TOP2B: variants seen among roughly 807,000 people sequenced by gnomAD.
The protein encoded by TOP2B is DNA topoisomerase 2-beta.
TOP2B carries 51 observed loss-of-function variants against 193.5 expected under a neutral mutation model. The ratio of observed to expected loss-of-function variants is 0.26; its 90% CI spans 0.21 to 0.33. The LOEUF is 0.33. Ranked by LOEUF, TOP2B falls within the 10% of genes least tolerant of loss-of-function variation. The pLI, the probability that TOP2B is intolerant of heterozygous loss-of-function variation, is 1.00. For missense variants in TOP2B, 1,378 were observed against 1,909.3 expected (o/e 0.72, Z 5.19); for synonymous variants, 634 against 635.7 (o/e 1.00, Z 0.04).
intron 25 of TOP2B, among the ~76,000 whole-genome samples, chr3:25,617,584 C>T (rs1364822828): frequency 6.6e-6 from 1 of 152,066 alleles, no homozygotes; most frequent in African/African-American, 2.4e-5. Flanking sequence ...TTTAAAGGTT[C>T]AAGTTATGTC....
At chr3:25,626,040 C>T (rs1702792597) in intron 18 of TOP2B, among the ~76,000 whole-genome samples, 1 of 151,382 alleles carries the variant, frequency 6.6e-6, no homozygotes, top group Non-Finnish European at 1.5e-5. Context: ...CAAAGATCAA[C>T]AAACTTCATA....
intron 24 of TOP2B, 51 bp downstream of exon 24, chr3:25,618,603 G>T (rs1702573883): frequency 2.0e-6 from 3 of 1,531,928 alleles, no homozygotes; most frequent in Admixed American, 2.2e-5. Flanking sequence ...TATTAATAAA[G>T]TTTTTTTTCC....
intron 1 of TOP2B, among the ~76,000 whole-genome samples, chr3:25,656,854 T>C (rs1028701332): frequency 6.6e-6 from 1 of 152,240 alleles, no homozygotes; most frequent in Non-Finnish European, 1.5e-5. Flanking sequence ...TAAAGAAATA[T>C]GTTAAAGGCT....
At chr3:25,658,319 A>C (rs1450390795) in intron 1 of TOP2B, among the ~76,000 whole-genome samples, 1 of 151,842 alleles carries the variant, frequency 6.6e-6, no homozygotes, top group Non-Finnish European at 1.5e-5. Flanking sequence ...AAAACTTGTT[A>C]AGTTTATTTG....
In TOP2B at chr3:25,620,692, G is replaced by C. The variant is rs564436755; in HGVS notation, c.2852C>G (p.Thr951Ser). The change falls in exon 22 of 36, where the codon ACT (threonine) becomes AGT (serine). Residue 951 changes from threonine (T) to serine (S), a missense_variant. This residue lies in a region of TOP2B where 379 missense variants were observed against 615.1 expected (regional missense o/e 0.62). Coordinates refer to ENST00000264331, the MANE Select transcript of TOP2B (RefSeq NM_001330700.2). Reference sequence around the variant, plus strand: ...CATATTTACACTGACCTGTGTCCAAGTTCTAACTGGAAGCTCTGTAATTTC... The same window carrying C: ...CATATTTACACTGACCTGTGTCCAACTTCTAACTGGAAGCTCTGTAATTTC... ...TVEITELPVR[T>S]WTQVYKEQVL... 9.3e-6 allele frequency: 15 copies of C among 1,612,270 alleles called. 1 individual carries two copies. In the South Asian group the frequency reaches 1.5e-4, roughly 17 times the overall value.
intron 2 of TOP2B, among the ~76,000 whole-genome samples, chr3:25,644,477 G>A (rs1703355975): frequency 6.6e-6 from 1 of 152,058 alleles, no homozygotes; most frequent in African/African-American, 2.4e-5. Context: ...AAGGTGGATG[G>A]ATCACCTGAG....
chr3:25,607,853 C>T lies in TOP2B; in HGVS notation c.4094-478G>A, dbSNP rs147298417. On this transcript the variant is annotated intron_variant, in intron 30 of 35. Transcript: ENST00000264331. ...AGGAAATGCAGTGGTATGATCATAG[C>T]TCACTGCAGCCTCAAACTCCTGGGC... 4.3e-3 allele frequency among the ~76,000 whole-genome samples: 654 copies of T among 152,300 alleles called. 2 individuals are homozygous for T. The highest frequency in any genetic ancestry group is 0.02 in the Middle Eastern group (6 of 294).
chr3:25,617,860 C>A (rs969252224), intron 25 of TOP2B, among the ~76,000 whole-genome samples: 19 of 152,168 alleles, frequency 1.2e-4, no homozygotes, highest in African/African-American at 4.3e-4. Flanking sequence ...GGGCAACTTA[C>A]TTAATAAAAC....
intron 33 of TOP2B, among the ~76,000 whole-genome samples, chr3:25,602,718 T>C (rs1020410789): frequency 1.3e-5 from 2 of 152,148 alleles, no homozygotes; most frequent in African/African-American, 4.8e-5. Context: ...CCAGGTGTTC[T>C]AGGAACCACT....
intron 6 of TOP2B, among the ~76,000 whole-genome samples, chr3:25,636,557 G>A (rs1482076281): frequency 6.6e-6 from 1 of 151,858 alleles, no homozygotes; most frequent in African/African-American, 2.4e-5. Context: ...TCTGATTTTT[G>A]GTATAGAAAG....
At chr3:25,608,270 A>C (rs73153321) in intron 30 of TOP2B, among the ~76,000 whole-genome samples, 3,122 of 152,354 alleles carry the variant, frequency 0.02, 95 homozygotes, top group African/African-American at 0.071. Flanking sequence ...TGAAAGGCAT[A>C]TTGCCATAAA....
chr3:25,642,087 G>C (rs1421021875), intron 4 of TOP2B, among the ~76,000 whole-genome samples: 1 of 152,106 alleles, frequency 6.6e-6, no homozygotes, highest in African/African-American at 2.4e-5. Flanking sequence ...TACCCTAGCA[G>C]CTGAAATAGC....
At chr3:25,602,396 C>CCA (rs1702118544) in intron 33 of TOP2B, among the ~76,000 whole-genome samples, 1 of 41,440 alleles carries the variant, frequency 2.4e-5, no homozygotes, top group Non-Finnish European at 4.9e-5. Flanking sequence ...GACTCTGTCT[C>CCA]AAAAAAAAAA....
intron 18 of TOP2B, 24 bp downstream of exon 18, chr3:25,626,536 A>G (rs1342033338): frequency 1.6e-6 from 2 of 1,267,870 alleles, no homozygotes; most frequent in Non-Finnish European, 2.2e-6. Flanking sequence ...ACATTAAAAA[A>G]TGAGGTTTTT....
At chr3:25,633,738 G>T (rs984044079) in intron 8 of TOP2B, 103 bp downstream of exon 8, 5 of 987,698 alleles carry the variant, frequency 5.1e-6, no homozygotes, top group Non-Finnish European at 7.1e-6. Context: ...AACAAAAACA[G>T]ATTTGGGTTT....
intron 15 of TOP2B, among the ~76,000 whole-genome samples, chr3:25,627,709 A>C (rs1479925511): frequency 6.6e-6 from 1 of 152,198 alleles, no homozygotes. Flanking sequence ...GAGAAATGCT[A>C]TATTAATAAA....
At chr3:25,640,210 CAA>C (rs767497864) in intron 4 of TOP2B, among the ~76,000 whole-genome samples, 5 of 152,076 alleles carry the variant, frequency 3.3e-5, no homozygotes, top group Non-Finnish European at 7.4e-5. Context: ...ACAAAATTCA[CAA>C]GAGACAAAAT....
intron 23 of TOP2B, 111 bp from the exon 24 acceptor site, chr3:25,618,960 G>A: frequency 1.3e-6 from 1 of 751,306 alleles, no homozygotes; most frequent in South Asian, 3.4e-5. Context: ...TAATGCATGT[G>A]TGTGAACACA....
Position 25,638,181 on chromosome 3 carries a change from A to T in TOP2B, c.525T>A (p.Asp175Glu). Residue 175 changes from aspartate (D) to glutamate (E), a missense_variant, in exon 5 of 36, where the codon GAT (aspartate) becomes GAA (glutamate). By Grantham distance (45) the Asp-to-Glu change is conservative. This residue lies in a region of TOP2B where 222 missense variants were observed against 306.6 expected (regional missense o/e 0.72). Coordinates refer to ENST00000264331, the MANE Select transcript of TOP2B (RefSeq NM_001330700.2). ...QLLTSSNYDD[D>E]EKKVTGGRNG... The stretch of plus-strand genomic sequence containing the variant: ...AGACTTTACCTGTAACTTTTTTCTC[A>T]TCATCATCATAGTTACTGGATGTTA... The T allele has an allele frequency of 6.4e-7, 1 of 1,566,870 alleles. No individual in the cohort carries two copies. The highest frequency in any genetic ancestry group is 1.2e-5 in the South Asian group (1 of 84,442).
Sources: gnomAD v4.1 joint callset for allele counts (sites outside exome capture counted in the v4.1 genomes callset) on GRCh38, gnomAD v4.1.1 for gene constraint, gnomAD v4.1.1 regional missense constraint, MANE v1.5 for transcripts, NCBI Gene and HGNC (gene_info 2026-07-23, HGNC 2026-07-21) for gene names.